Variants in CDH13 observed in about 807,000 individuals in gnomAD.
The protein encoded by CDH13 is cadherin-13.
In CDH13, 24 loss-of-function variants were observed where a neutral mutation model predicts 63.8. The observed-to-expected ratio is 0.38, with a 90% confidence interval of 0.27 to 0.53. The LOEUF is 0.53. Among genes scored for constraint, CDH13 ranks in the 20% least tolerant of loss-of-function variants. The pLI is 0.85. For missense variants in CDH13, 1,049 were observed against 903.1 expected, an observed-to-expected ratio of 1.16 and a Z score of -2.07; for synonymous variants, 503 against 355.3, an observed-to-expected ratio of 1.42 and a Z score of -4.67.
At chr16:83,718,006 T>C (rs1472996193) in intron 10 of CDH13, 14 of 152,238 alleles carry the variant, frequency 9.2e-5, no homozygotes, top group African/African-American at 3.4e-4. Context: ...CGCTGTCTGG[T>C]GGGAATTCTA....
chr16:83,028,350 G>C (rs1597172406), intron 2 of CDH13, among the ~76,000 whole-genome samples: 2 of 152,194 alleles, frequency 1.3e-5, no homozygotes, highest in Admixed American at 1.3e-4. Context: ...AGAACCGCAG[G>C]GTCCTGAGAG....
At chr16:83,515,517 T>G (rs1413188716) in intron 7 of CDH13, among the ~76,000 whole-genome samples, 1 of 152,202 alleles carries the variant, frequency 6.6e-6, no homozygotes, top group Non-Finnish European at 1.5e-5. Flanking sequence ...ATGCTGTAAT[T>G]TCCCTTGATA....
At chr16:82,972,930 A>G (rs144129851) in intron 2 of CDH13, among the ~76,000 whole-genome samples, 2 of 152,334 alleles carry the variant, frequency 1.3e-5, no homozygotes, top group East Asian at 3.9e-4. Context: ...AGGCGTCTAA[A>G]GAATCACCAC....
At chr16:83,014,755 T>C (rs1156481006) in intron 2 of CDH13, among the ~76,000 whole-genome samples, 3 of 45,044 alleles carry the variant, frequency 6.7e-5, no homozygotes, top group African/African-American at 2.8e-4. Context: ...TATATATATA[T>C]ATATATATAT....
chr16:82,754,664 A>G (rs2034545770), intron 1 of CDH13, among the ~76,000 whole-genome samples: 2 of 152,304 alleles, frequency 1.3e-5, no homozygotes, highest in African/African-American at 4.8e-5. Context: ...TTATCTATTA[A>G]TTTATTTGGA....
In CDH13 at chr16:83,796,828, A is replaced by G. The variant is rs1302498689; in HGVS notation, c.*1798A>G. The G allele has an allele frequency of 1.3e-5, 2 of 152,178 alleles. No homozygotes were observed. The highest frequency in any genetic ancestry group is 4.8e-5 in the African/African-American group (2 of 41,438). 9.4% of individuals were successfully genotyped at this position (152,178 alleles called of 1,614,324 possible). ...GGGTGTCATAATCAGCTATAAAGGT[A>G]ATTGCATACTCAAAGATGAGACGGA... On this transcript the variant is annotated 3_prime_UTR_variant, in exon 14 of 14. Coordinates refer to ENST00000567109, the MANE Select transcript of CDH13 (RefSeq NM_001257.5).
chr16:82,823,308 G>A (rs2038092266), intron 1 of CDH13: 1 of 150,766 alleles, frequency 6.6e-6, no homozygotes, highest in Non-Finnish European at 1.5e-5. Flanking sequence ...TGGAAGAGGA[G>A]GTATGGCAAA....
intron 10 of CDH13, among the ~76,000 whole-genome samples, chr16:83,684,680 T>A (rs1035651204): frequency 1.3e-5 from 2 of 152,212 alleles, no homozygotes; most frequent in Non-Finnish European, 2.9e-5. Context: ...ACACTTTGAA[T>A]ATAGAAGATA....
Position 82,941,530 on chromosome 16 carries a change from C to A in CDH13, c.157+83057C>A, listed in dbSNP as rs9927263. 4.3e-3 allele frequency among the ~76,000 whole-genome samples: 655 copies of A among 152,160 alleles called. 3 individuals are homozygous for A. The highest frequency in any genetic ancestry group is 7.4e-3 in the Non-Finnish European group (500 of 68,000). Reference sequence around the variant, plus strand: ...AAATAGCCCTTCCCTTTCCTTTGTGCGCCAAAATTTACATAAAGCATTGTG... The same window carrying A: ...AAATAGCCCTTCCCTTTCCTTTGTGAGCCAAAATTTACATAAAGCATTGTG... On this transcript the variant is annotated intron_variant, in intron 2 of 13. Transcript: ENST00000567109.
chr16:83,570,728 A>G (rs906500674), intron 7 of CDH13, among the ~76,000 whole-genome samples: 3 of 144,646 alleles, frequency 2.1e-5, no homozygotes, highest in Non-Finnish European at 4.5e-5. Flanking sequence ...AAATTATTAT[A>G]TATTTTCTAT....
At chr16:83,380,876 A>G (rs373226139) in intron 6 of CDH13, among the ~76,000 whole-genome samples, 8 of 149,682 alleles carry the variant, frequency 5.3e-5, no homozygotes, top group African/African-American at 1.5e-4. Context: ...AGAAGAGTGT[A>G]TATTAGGAAG....
At chr16:83,052,776 C>CAAAAAAAAAAAAAAAAAAAAAAAAAA (rs71148805) in intron 3 of CDH13, among the ~76,000 whole-genome samples, 1 of 92,920 alleles carries the variant, frequency 1.1e-5, no homozygotes, top group African/African-American at 4.8e-5. Context: ...GACTTTATCT[C>CAAAAAAAAAAAAAAAAAAAAAAAAAA]AAAAAAAAAA....
intron 2 of CDH13, among the ~76,000 whole-genome samples, chr16:83,003,955 G>C (rs2151426647): frequency 6.6e-6 from 1 of 152,278 alleles, no homozygotes; most frequent in African/African-American, 2.4e-5. Flanking sequence ...TGTAAATACT[G>C]TACTTCCTTA....
chr16:83,220,692 C>A (rs867487358), intron 5 of CDH13, among the ~76,000 whole-genome samples: 21 of 149,968 alleles, frequency 1.4e-4, no homozygotes, highest in African/African-American at 2.2e-4. Context: ...AAGGAGAGAG[C>A]CTGCAGGTGA....
At chr16:83,533,092 C>T (rs772665269) in intron 7 of CDH13, among the ~76,000 whole-genome samples, 31 of 152,184 alleles carry the variant, frequency 2.0e-4, no homozygotes, top group Non-Finnish European at 3.5e-4. Flanking sequence ...TTACAGTCTA[C>T]CTCAACATCA....
intron 1 of CDH13, among the ~76,000 whole-genome samples, chr16:82,728,440 A>G (rs1298065780): frequency 2.8e-5 from 2 of 72,090 alleles, no homozygotes. Flanking sequence ...AAAGAGAGGC[A>G]TACAATTTTT....
intron 4 of CDH13, among the ~76,000 whole-genome samples, chr16:83,170,789 G>A (rs1042903485): frequency 6.6e-6 from 1 of 152,092 alleles, no homozygotes; most frequent in African/African-American, 2.4e-5. Flanking sequence ...AGAGGTATGG[G>A]AGATGTAGGC....
At chr16:83,065,195 G>T (rs945519780) in intron 3 of CDH13, among the ~76,000 whole-genome samples, 1 of 152,170 alleles carries the variant, frequency 6.6e-6, no homozygotes, top group African/African-American at 2.4e-5. Context: ...AGAAAGAAGA[G>T]ATTCTAGAAG....
In CDH13 at chr16:82,849,827, C is replaced by T. The variant is rs148647028; in HGVS notation, c.46-8535C>T. Among the ~76,000 whole-genome samples, 499 of 152,298 alleles carry T rather than the reference C, an allele frequency of 3.3e-3. 1 individual carries two copies. The highest frequency in any genetic ancestry group is 0.011 in the African/African-American group (465 of 41,564). On this transcript the variant is annotated intron_variant, in intron 1 of 13. Coordinates refer to ENST00000567109, the MANE Select transcript of CDH13 (RefSeq NM_001257.5). ...TTGTGCTGAATCTACTCTGCGTGTG[C>T]TCTACAAAAGGAACAACAAAGCCTG...
Sources: gnomAD v4.1 joint callset for allele counts (sites outside exome capture counted in the v4.1 genomes callset) on GRCh38, gnomAD v4.1.1 for gene constraint, MANE v1.5 for transcripts, NCBI Gene and HGNC (gene_info 2026-07-23, HGNC 2026-07-21) for gene names.